ANKRD18A: variants seen among roughly 807,000 people sequenced by gnomAD.
ANKRD18A encodes the protein ankyrin repeat domain-containing protein 18A.
Under a neutral mutation model 110.6 loss-of-function variants are expected in ANKRD18A, and 72 were observed. The ratio of observed to expected loss-of-function variants is 0.65; its 90% CI spans 0.54 to 0.79. The LOEUF is 0.79. Among genes scored for constraint, ANKRD18A ranks in the 30% least tolerant of loss-of-function variants. ANKRD18A has a pLI of 0.00. For synonymous variants in ANKRD18A, 305 were observed against 410.3 expected (o/e 0.74, Z 3.10); for missense variants, 934 against 1,163.3 (o/e 0.80, Z 2.87).
intron 5 of ANKRD18A, among the ~76,000 whole-genome samples, chr9:38,609,394 T>G (rs1019580078): frequency 6.6e-6 from 1 of 151,856 alleles, no homozygotes; most frequent in Non-Finnish European, 1.5e-5. Context: ...GGCAGGAGAA[T>G]AGCGTGAACC....
chr9:38,613,579 C>T (rs1447701326), intron 3 of ANKRD18A, among the ~76,000 whole-genome samples: 27 of 152,020 alleles, frequency 1.8e-4, no homozygotes, highest in African/African-American at 2.9e-4. Context: ...AATCTATGTG[C>T]ATATAATTTT....
chr9:38,595,974 C>A lies in ANKRD18A; in HGVS notation c.1366G>T (p.Glu456Ter). 1 of 1,549,160 alleles carries A rather than the reference C, an allele frequency of 6.5e-7. No homozygotes were observed. Among genetic ancestry groups the A allele is most frequent in the Non-Finnish European group, 8.7e-7 (1 of 1,146,170 alleles). The change falls in exon 9 of 16, where the codon GAA becomes TAA. Residue 456 changes from glutamate to a stop codon, truncating the protein, a stop_gained. Coordinates refer to ENST00000399703, the MANE Select transcript of ANKRD18A (RefSeq NM_147195.4). LOFTEE classifies it high-confidence loss of function. ...TGAGAAATATTAGAACCCATTTTTT[C>A]ATGTCTAGAAACATCATCTGCTCTC... is the stretch of plus-strand genomic sequence containing the variant. ...LWRADDVSRH[E>*]KMGSNISQLT...
chr9:38,566,490 A>C (rs1221585499), downstream of ANKRD18A: 1 of 152,164 alleles, frequency 6.6e-6, no homozygotes, highest in Admixed American at 6.5e-5. Flanking sequence ...CCATTTAACC[A>C]GTCTCTAAGA....
chr9:38,593,051 C>T (rs1472628563), intron 10 of ANKRD18A, among the ~76,000 whole-genome samples: 1 of 152,202 alleles, frequency 6.6e-6, no homozygotes, highest in Non-Finnish European at 1.5e-5. Flanking sequence ...TACTAACAGA[C>T]ACTGAGTTGT....
chr9:38,595,219 C>A (rs1488397316), intron 9 of ANKRD18A, among the ~76,000 whole-genome samples: 1 of 152,010 alleles, frequency 6.6e-6, no homozygotes, highest in Non-Finnish European at 1.5e-5. Flanking sequence ...CTCTACAATC[C>A]AACTTTAGAA....
intron 3 of ANKRD18A, among the ~76,000 whole-genome samples, chr9:38,613,498 T>C (rs1341244146): frequency 1.3e-5 from 2 of 152,114 alleles, no homozygotes; most frequent in Non-Finnish European, 2.9e-5. Context: ...CCCTGATATA[T>C]ACATAATAAA....
rs2799154 is a variant in ANKRD18A at position 38,591,382 on chromosome 9, T to C, written c.2004+2378A>G. Among the ~76,000 whole-genome samples the C allele has an allele frequency of 7.5e-3, 1,122 of 149,364 alleles. 13 individuals are homozygous for C. Among genetic ancestry groups the C allele is most frequent in the African/African-American group, 0.025 (1,021 of 40,908 alleles). On this transcript the variant is annotated intron_variant, in intron 10 of 15. Coordinates refer to ENST00000399703, the MANE Select transcript of ANKRD18A (RefSeq NM_147195.4). Reference sequence around the variant, plus strand: ...TGCGACCTTGAGCAAATTAATTTTCTGTGTCTCCGGTTCTTTATCTATGAA... The same window carrying C: ...TGCGACCTTGAGCAAATTAATTTTCCGTGTCTCCGGTTCTTTATCTATGAA...
At chr9:38,607,016 A>G (rs926585256) in intron 6 of ANKRD18A, among the ~76,000 whole-genome samples, 2 of 152,060 alleles carry the variant, frequency 1.3e-5, no homozygotes, top group African/African-American at 4.8e-5. Context: ...ATAAACATAT[A>G]TATTTTAAAC....
At chr9:38,615,507 T>C in intron 3 of ANKRD18A, 87 bp downstream of exon 3, 3 of 1,424,456 alleles carry the variant, frequency 2.1e-6, no homozygotes, top group Non-Finnish European at 2.8e-6. Context: ...CATTCAGGAA[T>C]ACTTGAGTTC....
intron 6 of ANKRD18A, among the ~76,000 whole-genome samples, chr9:38,606,968 T>C (rs1825387578): frequency 6.6e-6 from 1 of 151,976 alleles, no homozygotes; most frequent in Admixed American, 6.5e-5. Context: ...CTCTGAATTC[T>C]AAACTAAAGA....
rs767816627 is a variant in ANKRD18A at position 38,612,521 on chromosome 9, C to CTTTTTTTTTTTTT, written c.496-1213_496-1201dup. On this transcript the variant is annotated intron_variant, in intron 3 of 15. Coordinates refer to ENST00000399703, the MANE Select transcript of ANKRD18A (RefSeq NM_147195.4). ...AAGTCACTTGCATTTTTTTCTTTTT[C>CTTTTTTTTTTTTT]TTTTTTTTTTTTTGGAAATGGGGTC... Among the ~76,000 whole-genome samples the CTTTTTTTTTTTTT allele has an allele frequency of 6.4e-5, 8 of 124,284 alleles. 1 individual carries two copies. Among genetic ancestry groups the CTTTTTTTTTTTTT allele is most frequent in the East Asian group, 4.4e-4 (2 of 4,528 alleles). The allele number at this position is 124,284 out of a possible 152,430, so 81.5% of individuals were successfully genotyped here.
At position 38,596,384 on chromosome 9, in the gene ANKRD18A, T is replaced by A; in HGVS notation, c.956A>T (p.Lys319Ile). 9 of 1,449,860 alleles carry A rather than the reference T, an allele frequency of 6.2e-6. No homozygotes were observed. The highest frequency in any genetic ancestry group is 8.2e-6 in the Non-Finnish European group (9 of 1,101,090). The allele number at this position is 1,449,860 out of a possible 1,614,324, so 89.8% of individuals were successfully genotyped here. The change falls in exon 9 of 16, where the codon AAA (lysine) becomes ATA (isoleucine). Residue 319 changes from lysine (K) to isoleucine (I), a missense_variant. By Grantham distance (102) the Lys-to-Ile change is moderately radical. Around this residue, in one of 4 missense-constraint regions of ANKRD18A, gnomAD observed 630 missense variants for 797.5 expected, o/e 0.79. Transcript: ENST00000399703. ...KQPQDSQSYG[K>I]KKDAMYGNFM... The stretch of plus-strand genomic sequence containing the variant: ...ATTTCCATACATCGCATCCTTCTTT[T>A]TTCCGTAACTTTGAGAATCCTAAAT...
In ANKRD18A at chr9:38,595,663, T is replaced by C. The variant is rs535602466; in HGVS notation, c.1677A>G (p.Gln559=). 18 of 1,551,246 alleles carry C rather than the reference T, an allele frequency of 1.2e-5. No homozygotes were observed. The East Asian group carries it at 3.7e-4, about 32-fold the overall frequency. The change falls in exon 9 of 16, where the codon CAA becomes CAG. Residue 559 remains glutamine (Q), a synonymous_variant. Transcript: ENST00000399703. ...CGCCTTCCTTACGAGCATCCTCTAG[T>C]TGTCGTTCAAGCAAGAGATTTTCAA... ...QELENLLLER[Q]LEDARKEGDN...
downstream of ANKRD18A, chr9:38,569,105 T>C (rs1823547299): frequency 7.1e-6 from 7 of 984,742 alleles, no homozygotes; most frequent in Admixed American, 4.3e-4. Flanking sequence ...CCAAGGGGGG[T>C]CAGATGCAGG....
At chr9:38,569,882 C>A (rs1451936875), downstream of ANKRD18A, among the ~76,000 whole-genome samples, 1 of 152,114 alleles carries the variant, frequency 6.6e-6, no homozygotes, top group Admixed American at 6.5e-5. Context: ...GGCTGGCACC[C>A]TTTCTAGGTG....
intron 3 of ANKRD18A, 133 bp downstream of exon 3, chr9:38,615,461 A>T: frequency 7.8e-7 from 1 of 1,279,758 alleles, no homozygotes; most frequent in Non-Finnish European, 1.0e-6. Context: ...ATCAATATTT[A>T]AAGTAAAATT....
intron 12 of ANKRD18A, among the ~76,000 whole-genome samples, chr9:38,583,965 C>T (rs1824267845): frequency 6.6e-6 from 1 of 152,204 alleles, no homozygotes; most frequent in Non-Finnish European, 1.5e-5. Context: ...CCTGGACTTG[C>T]CAGCAGCAGA....
At chr9:38,584,003 G>C (rs774571064) in intron 12 of ANKRD18A, among the ~76,000 whole-genome samples, 11 of 152,206 alleles carry the variant, frequency 7.2e-5, no homozygotes, top group Non-Finnish European at 1.3e-4. Flanking sequence ...CTGGGGGGAT[G>C]GGGTGGAGCC....
rs1338697770 is a variant in ANKRD18A, at chr9:38,611,339, C to A, written c.496-18G>T. On this transcript the variant is annotated intron_variant, in intron 3 of 15. Coordinates refer to ENST00000399703, the MANE Select transcript of ANKRD18A (RefSeq NM_147195.4). ...TTTCCCTCCTGTAAGAAAGCAAAAA[C>A]AATTTATAATTCACAAAATTACATA... The A allele has an allele frequency of 2.5e-5, 37 of 1,508,580 alleles. No individual in the cohort carries two copies. Among genetic ancestry groups the A allele is most frequent in the Non-Finnish European group, 3.3e-5 (37 of 1,132,600 alleles). 93.4% of individuals were successfully genotyped at this position (1,508,580 alleles called of 1,614,324 possible). A position where few individuals can be genotyped will look rare whatever the true frequency, so the allele number is the denominator to read the frequency against.
Sources: allele counts gnomAD v4.1 joint callset (sites outside exome capture counted in the v4.1 genomes callset), GRCh38; gene constraint gnomAD v4.1.1; regional missense constraint gnomAD v4.1.1; transcripts MANE v1.5; gene names NCBI Gene and HGNC (gene_info 2026-07-23, HGNC 2026-07-21).